Variants in RSPH10B observed in about 807,000 individuals in gnomAD.
The protein encoded by RSPH10B is radial spoke head 10 homolog B.
RSPH10B carries 7 observed loss-of-function variants against 52.5 expected under a neutral mutation model. The ratio of observed to expected loss-of-function variants is 0.13; its 90% CI spans 0.08 to 0.25. The LOEUF is 0.25. Ranked by LOEUF, RSPH10B falls within the 10% of genes least tolerant of loss-of-function variation. The pLI is 1.00. For missense variants in RSPH10B, 89 were observed against 542.5 expected, an observed-to-expected ratio of 0.16 and a Z score of 8.30; for synonymous variants, 28 against 193.2, an observed-to-expected ratio of 0.14 and a Z score of 7.09.
intron 18 of RSPH10B, 30 bp downstream of exon 20, chr7:5,928,166 G>A (rs772297590): frequency 2.5e-6 from 4 of 1,605,252 alleles, no homozygotes; most frequent in Admixed American, 1.7e-5. Context: ...AGAGCAGCTG[G>A]GGAAGGAGAG....
intron 13 of RSPH10B, among the ~76,000 whole-genome samples, chr7:5,942,125 C>T (rs1283336902): frequency 1.4e-5 from 2 of 147,802 alleles, no homozygotes; most frequent in African/African-American, 5.0e-5. Context: ...AAACTCCTGA[C>T]CTCGGGTGAT....
chr7:5,931,875 G>A (rs1583211727), intron 17 of RSPH10B, among the ~76,000 whole-genome samples: 1 of 151,088 alleles, frequency 6.6e-6, no homozygotes. Context: ...TGTAATCCCA[G>A]CTACTAGGGA....
chr7:5,942,403 A>G (rs1458877647), intron 13 of RSPH10B, among the ~76,000 whole-genome samples: 1 of 129,084 alleles, frequency 7.7e-6, no homozygotes, highest in African/African-American at 2.9e-5. Flanking sequence ...TGATTTTTTT[A>G]TTTTTTGTAG....
At chr7:5,927,668 A>G (rs1779573257) in intron 18 of RSPH10B, among the ~76,000 whole-genome samples, 1 of 146,112 alleles carries the variant, frequency 6.8e-6, no homozygotes, top group Admixed American at 6.8e-5. Context: ...GCATGCAGTG[A>G]CTCACCCCTG....
chr7:5,931,453 C>T (rs192378665), intron 17 of RSPH10B, among the ~76,000 whole-genome samples: 739 of 151,388 alleles, frequency 4.9e-3, no homozygotes, highest in Admixed American at 0.031. Flanking sequence ...GGGCCAGGCG[C>T]GGTGGCTCAC....
chr7:5,931,281 G>A (rs1291484241), intron 17 of RSPH10B, among the ~76,000 whole-genome samples: 2 of 150,390 alleles, frequency 1.3e-5, no homozygotes, highest in African/African-American at 2.4e-5. Flanking sequence ...GTGTGCCGAT[G>A]GGAATGATCC....
chr7:5,944,948 G>C (rs1170446653), intron 11 of RSPH10B, 116 bp downstream of exon 13: 3 of 589,104 alleles, frequency 5.1e-6, no homozygotes, highest in Non-Finnish European at 9.3e-6. Flanking sequence ...GGGCGACAGA[G>C]CAAGACTCCA....
chr7:5,927,076 G>GTGTGTGTGTATATATATA (rs1779518080), intron 18 of RSPH10B, among the ~76,000 whole-genome samples: 1 of 131,610 alleles, frequency 7.6e-6, no homozygotes, highest in African/African-American at 2.9e-5. Context: ...GTATATGTGT[G>GTGTGTGTGTATATATATA]TGTGTGTGTG....
chr7:5,968,142 G>A (rs1391098942), upstream of RSPH10B, among the ~76,000 whole-genome samples: 2 of 152,298 alleles, frequency 1.3e-5, no homozygotes, highest in African/African-American at 4.8e-5. Context: ...TGTAGTCCCA[G>A]CACTTTGGGA....
At chr7:5,933,015 CTTTTT>C in intron 16 of RSPH10B, 140 bp from the exon 19 acceptor site, 19 of 27,290 alleles carry the variant, frequency 7.0e-4, no homozygotes, top group Non-Finnish European at 9.5e-4. Context: ...TTTAATTTGA[CTTTTT>C]TTTTTTTTTT....
intron 18 of RSPH10B, among the ~76,000 whole-genome samples, chr7:5,927,084 G>GTGTATATATATA (rs1779522979): frequency 1.9e-5 from 2 of 106,566 alleles, no homozygotes; most frequent in African/African-American, 7.5e-5. Flanking sequence ...GTGTGTGTGT[G>GTGTATATATATA]TGTGTGTGTG....
At chr7:5,968,655 C>T (rs1322818238), upstream of RSPH10B, among the ~76,000 whole-genome samples, 30 of 67,012 alleles carry the variant, frequency 4.5e-4, 5 homozygotes, top group African/African-American at 1.4e-3. Flanking sequence ...TACAGGCGCC[C>T]ACCACCACAC....
Position 5,943,328 on chromosome 7 carries a change from A to G in RSPH10B, c.1754T>C (p.Leu585Pro). ...ATATCGAACTTAGGTGGTTACTTTC[A>G]GCATCCAGAGGAAGTGTCTCATCTT... Residue 585 changes from leucine (L) to proline (P), a missense_variant, in exon 13 of 19, where the codon CTG becomes CCG. Transcript: ENST00000337579. 3 of 1,544,756 alleles carry G rather than the reference A, an allele frequency of 1.9e-6. 1 individual carries two copies. The highest frequency in any genetic ancestry group is 2.6e-6 in the Non-Finnish European group (3 of 1,145,744).
intron 15 of RSPH10B, among the ~76,000 whole-genome samples, chr7:5,937,086 CAAAAAA>C (rs1246119855): frequency 0.016 from 398 of 25,096 alleles, no homozygotes; most frequent in African/African-American, 0.04. Context: ...AGCTCTGTCT[CAAAAAA>C]AAAAAAAAAA....
intron 18 of RSPH10B, among the ~76,000 whole-genome samples, chr7:5,927,088 G>C (rs1483514881): frequency 1.4e-5 from 1 of 70,566 alleles, no homozygotes; most frequent in African/African-American, 5.6e-5. Flanking sequence ...GTGTGTGTGT[G>C]TGTGTGTGTA....
rs1491114123 is a variant in RSPH10B, at chr7:5,942,911, T to TA, written c.1758+412_1758+413insT. ...TATATATTTATTATATATATATTTA[T>TA]TTATATATATATATATTTTTTTTTA... On this transcript the variant is annotated intron_variant, in intron 13 of 18. Coordinates refer to ENST00000337579, the Ensembl canonical transcript of RSPH10B. Among the ~76,000 whole-genome samples the TA allele has an allele frequency of 6.0e-3, 513 of 85,216 alleles. 3 individuals carry two copies. The highest frequency in any genetic ancestry group is 0.018 in the African/African-American group (478 of 26,306). The allele number at this position is 85,216 out of a possible 152,430, so 55.9% of individuals were successfully genotyped here. A position where few individuals can be genotyped will look rare whatever the true frequency, so the allele number is the denominator to read the frequency against.
chr7:5,928,634 G>C (rs866600092), intron 17 of RSPH10B, among the ~76,000 whole-genome samples: 1 of 120,490 alleles, frequency 8.3e-6, no homozygotes, highest in South Asian at 2.6e-4. Context: ...TTTCTTTTTT[G>C]TTTTTTTTTT....
At chr7:5,968,389 CA>C (rs1340137703), upstream of RSPH10B, among the ~76,000 whole-genome samples, 1 of 130,036 alleles carries the variant, frequency 7.7e-6, no homozygotes, top group African/African-American at 2.9e-5. Flanking sequence ...GATTCTGTCT[CA>C]AAAAAAACAA....
At chr7:5,926,163 T>TTAA (rs1779383587) in exon 19 of RSPH10B, 1 of 378,550 alleles carries the variant, frequency 2.6e-6, no homozygotes. Flanking sequence ...GGCTGATGTT[T>TTAA]TAATTTTGCA....
Sources: gnomAD v4.1 joint callset for allele counts (sites outside exome capture counted in the v4.1 genomes callset) on GRCh38, gnomAD v4.1.1 for gene constraint, MANE v1.5 for transcripts, NCBI Gene and HGNC (gene_info 2026-07-23, HGNC 2026-07-21) for gene names.